ABAT: variants seen among roughly 807,000 people sequenced by gnomAD.
ABAT encodes 4-aminobutyrate aminotransferase, mitochondrial.
A neutral mutation model predicts 64.6 loss-of-function variants in ABAT; 45 were observed. The observed-to-expected ratio is 0.70, with a 90% CI of 0.55 to 0.89. The LOEUF (loss-of-function observed/expected upper bound fraction) is 0.89. Ranked by LOEUF, ABAT falls within the 40% of genes least tolerant of loss-of-function variation. The pLI is 0.00. For synonymous variants in ABAT, 297 were observed against 250.5 expected, an observed-to-expected ratio of 1.19 and a Z score of -1.75; for missense variants, 633 against 658.4, an observed-to-expected ratio of 0.96 and a Z score of 0.42.
chr16:8,733,581 G>C (rs1483552962), intron 1 of ABAT, among the ~76,000 whole-genome samples: 1 of 151,974 alleles, frequency 6.6e-6, no homozygotes, highest in Admixed American at 6.5e-5. Context: ...TGTAATCCCG[G>C]CACCTCGGGA....
intron 14 of ABAT, among the ~76,000 whole-genome samples, chr16:8,777,278 T>C (rs944846378): frequency 4.6e-5 from 7 of 150,910 alleles, no homozygotes; most frequent in Non-Finnish European, 1.0e-4. Context: ...TCACCCCCTC[T>C]AGTGTGTTCA....
intron 1 of ABAT, among the ~76,000 whole-genome samples, chr16:8,682,275 G>A (rs779673022): frequency 2.0e-5 from 3 of 151,946 alleles, no homozygotes; most frequent in African/African-American, 7.3e-5. Context: ...GGCTGGGGGT[G>A]TAGATGGATG....
chr16:8,775,139 C>G lies in ABAT; in HGVS notation c.1122+82C>G, dbSNP rs191069641. 7.9e-5 allele frequency: 126 copies of G among 1,590,898 alleles called. No individual in the cohort carries two copies. In the African/African-American group the frequency reaches 1.4e-3, roughly 18 times the overall value. ...CTCCTAACTGTTCCTTTCTCACCAT[C>G]GAGGAGCTGGGTGGGCACTTACTGG... On this transcript the variant is annotated intron_variant, in intron 13 of 15. Transcript: ENST00000268251.
chr16:8,749,386 C>CT (rs1160144275), intron 4 of ABAT, among the ~76,000 whole-genome samples: 1,341 of 31,924 alleles, frequency 0.042, 399 homozygotes, highest in East Asian at 0.088. Context: ...CGCACCCGGC[C>CT]TTTTTTTTTT....
At chr16:8,702,644 C>G (rs2057850585) in intron 1 of ABAT, among the ~76,000 whole-genome samples, 1 of 152,170 alleles carries the variant, frequency 6.6e-6, no homozygotes, top group South Asian at 2.1e-4. Flanking sequence ...AAGCCCACCC[C>G]CATGATCCAG....
chr16:8,729,439 G>A (rs1027356879), intron 1 of ABAT, among the ~76,000 whole-genome samples: 1 of 152,146 alleles, frequency 6.6e-6, no homozygotes, highest in African/African-American at 2.4e-5. Context: ...ACCTCTCTGA[G>A]CCTCCCTTTT....
At chr16:8,778,419 T>C (rs111394830) in intron 14 of ABAT, among the ~76,000 whole-genome samples, 3 of 152,226 alleles carry the variant, frequency 2.0e-5, no homozygotes, top group African/African-American at 7.2e-5. Flanking sequence ...GCTTCTGGCG[T>C]CACTTGGTGT....
At position 8,781,232 on chromosome 16, in the gene ABAT, G is replaced by A; in HGVS notation, c.1382-77G>A. ...ATGGATGGATGAGCGTTGCCAACAG[G>A]CATCACTTTCCCCCCAGCTCTCCCA... is the stretch of plus-strand genomic sequence containing the variant. On this transcript the variant is annotated intron_variant, in intron 15 of 15. Transcript: ENST00000268251. This position sits in a 1 kb window ranked among gnomAD's most constrained non-coding sequence, Gnocchi z 4.5. The A allele has an allele frequency of 6.2e-7, 1 of 1,604,878 alleles. No homozygotes were observed. The highest frequency in any genetic ancestry group is 8.5e-7 in the Non-Finnish European group (1 of 1,173,226).
At chr16:8,705,616 A>G (rs1295804113) in intron 1 of ABAT, 1 of 152,204 alleles carries the variant, frequency 6.6e-6, no homozygotes, top group Non-Finnish European at 1.5e-5. Context: ...GTTGGGAGAG[A>G]GAGAGCCAGG....
At chr16:8,747,248 A>C (rs2059360220) in intron 3 of ABAT, among the ~76,000 whole-genome samples, 1 of 152,208 alleles carries the variant, frequency 6.6e-6, no homozygotes, top group Admixed American at 6.5e-5. Context: ...TCAGAGATCA[A>C]ATGCCCACCT....
At chr16:8,734,950 G>C (rs2058869460) in intron 1 of ABAT, among the ~76,000 whole-genome samples, 1 of 151,898 alleles carries the variant, frequency 6.6e-6, no homozygotes, top group African/African-American at 2.4e-5. Context: ...GTTCATACCT[G>C]TAATCCCAGC....
At chr16:8,731,224 A>C (rs1398183879) in intron 1 of ABAT, among the ~76,000 whole-genome samples, 1 of 152,156 alleles carries the variant, frequency 6.6e-6, no homozygotes, top group South Asian at 2.1e-4. Flanking sequence ...TGGCCTCCCA[A>C]AATTCCGGGA....
chr16:8,752,277 C>A (rs943018846), intron 5 of ABAT, among the ~76,000 whole-genome samples: 2 of 152,162 alleles, frequency 1.3e-5, no homozygotes, highest in African/African-American at 4.8e-5. Context: ...AATTTAAAAA[C>A]CCCATCTCCC....
At position 8,779,557 on chromosome 16, in the gene ABAT, C is replaced by T. The variant is rs748725086; in HGVS notation, c.1348C>T (p.Arg450Trp). Residue 450 changes from arginine to tryptophan, a missense_variant, in exon 15 of 16, where the codon CGG becomes TGG. Coordinates refer to ENST00000268251, the MANE Select transcript of ABAT (RefSeq NM_020686.6). Reference sequence around the variant, plus strand: ...CTTCGATACTCCCGATGATTCCATACGGAATAAGCTCATTTTAATTGCCAG... The same window carrying T: ...CTTCGATACTCCCGATGATTCCATATGGAATAAGCTCATTTTAATTGCCAG... Reference protein sequence around the residue: ...CSFDTPDDSIRNKLILIARNK... With the variant: ...CSFDTPDDSIWNKLILIARNK... 16 of 1,613,972 alleles carry T rather than the reference C, an allele frequency of 9.9e-6. No homozygotes were observed. The highest frequency in any genetic ancestry group is 6.7e-5 in the Admixed American group (4 of 59,996).
chr16:8,696,400 A>C (rs989920907), intron 1 of ABAT, among the ~76,000 whole-genome samples: 1 of 152,200 alleles, frequency 6.6e-6, no homozygotes, highest in African/African-American at 2.4e-5. Flanking sequence ...AGGCAGACGG[A>C]TCACTTGAGG....
intron 5 of ABAT, among the ~76,000 whole-genome samples, chr16:8,751,297 A>G (rs2059474283): frequency 6.6e-6 from 1 of 151,996 alleles, no homozygotes; most frequent in Admixed American, 6.6e-5. Flanking sequence ...TGCGCTGCCC[A>G]GGCTGGTCTC....
Position 8,776,559 on chromosome 16 carries a change from G to A in ABAT, c.1269+69G>A. The A allele has an allele frequency of 6.9e-7, 1 of 1,458,172 alleles. No individual in the cohort carries two copies. The highest frequency in any genetic ancestry group is 9.4e-7 in the Non-Finnish European group (1 of 1,067,890). The allele number at this position is 1,458,172 out of a possible 1,614,324, so 90.3% of individuals were successfully genotyped here. A position where few individuals can be genotyped will look rare whatever the true frequency, so the allele number is the denominator to read the frequency against. On this transcript the variant is annotated intron_variant, in intron 14 of 15. Coordinates refer to ENST00000268251, the MANE Select transcript of ABAT (RefSeq NM_020686.6). The surrounding 1 kb of genome is among the most constrained non-coding windows in gnomAD (Gnocchi z 4.4). ...CCGCAGCAGCCTCCGGGGCAACACT[G>A]GAGCTCTTCGGCATGGTGTTGTGCC...
chr16:8,769,092 C>T, intron 11 of ABAT, 119 bp downstream of exon 11: 4 of 1,435,460 alleles, frequency 2.8e-6, no homozygotes, highest in Non-Finnish European at 3.9e-6. Context: ...GCAGTGCTCC[C>T]CCAGAGGGAA....
At chr16:8,721,415 G>A (rs557225983) in intron 1 of ABAT, among the ~76,000 whole-genome samples, 7 of 152,192 alleles carry the variant, frequency 4.6e-5, no homozygotes, top group African/African-American at 7.2e-5. Context: ...AGCTTCCCCC[G>A]GTGCCCAGGT....
Sources: gnomAD v4.1 joint callset for allele counts (sites outside exome capture counted in the v4.1 genomes callset) on GRCh38, gnomAD v4.1.1 for gene constraint, Gnocchi (gnomAD v3.1) non-coding constraint, MANE v1.5 for transcripts, NCBI Gene and HGNC (gene_info 2026-07-23, HGNC 2026-07-21) for gene names.